CHIC1: variants seen among roughly 807,000 people sequenced by gnomAD.
CHIC1 encodes cysteine-rich hydrophobic domain-containing protein 1.
A neutral mutation model predicts 18.5 loss-of-function variants in CHIC1; 7 were observed. The ratio of observed to expected loss-of-function variants is 0.38; its 90% CI spans 0.22 to 0.71. CHIC1 has a LOEUF of 0.71. CHIC1 is among the 30% of genes least tolerant of loss of function. The probability of loss-of-function intolerance (pLI) is 0.49; values close to 1 mark genes in which losing one functional copy is unlikely to be tolerated. For synonymous variants in CHIC1, 77 were observed against 73.5 expected, an observed-to-expected ratio of 1.05 and a Z score of -0.25; for missense variants, 159 against 176.9, an observed-to-expected ratio of 0.90 and a Z score of 0.57.
intron 3 of CHIC1, among the ~76,000 whole-genome samples, chrX:73,629,043 T>C (rs1321776959): frequency 1.8e-5 from 2 of 111,534 alleles, no homozygotes; most frequent in Non-Finnish European, 3.8e-5. Context: ...TAATACATCA[T>C]TGTGGTGTTG....
In CHIC1 at chrX:73,653,172, A is replaced by G. The variant is rs1001710979; in HGVS notation, c.508-26154A>G. ...CTCACTCATAAGTGGGAGTTGAACA[A>G]TAAGAACACATGGACACAGGGAGGG... is the stretch of plus-strand genomic sequence containing the variant. On this transcript the variant is annotated intron_variant, in intron 3 of 5. Transcript: ENST00000373502. Among the ~76,000 whole-genome samples, 3 of 110,318 alleles carry G rather than the reference A, an allele frequency of 2.7e-5. No homozygotes were observed. In the Admixed American group the frequency reaches 2.9e-4, roughly 11 times the overall value.
chrX:73,569,890 T>A (rs2070392075), intron 1 of CHIC1, among the ~76,000 whole-genome samples: 1 of 111,433 alleles, frequency 9.0e-6, no homozygotes, highest in South Asian at 3.7e-4. Flanking sequence ...ATTTAGGTCA[T>A]AAGGGAGTAT....
intron 1 of CHIC1, among the ~76,000 whole-genome samples, chrX:73,564,803 T>TTG (rs1302201059): frequency 1.3e-4 from 12 of 92,920 alleles, no homozygotes; most frequent in Non-Finnish European, 2.3e-4. Flanking sequence ...TTTTTTTTTT[T>TTG]TTTTTTTTTT....
At chrX:73,606,496 ACTT>A (rs1467454729) in intron 3 of CHIC1, among the ~76,000 whole-genome samples, 1 of 106,433 alleles carries the variant, frequency 9.4e-6, no homozygotes, top group African/African-American at 3.7e-5. Context: ...ACTTCGCCAA[ACTT>A]CTTCTCCGTC....
chrX:73,657,696 A>G (rs2057957432), intron 3 of CHIC1, among the ~76,000 whole-genome samples: 1 of 111,545 alleles, frequency 9.0e-6, no homozygotes, highest in Non-Finnish European at 1.9e-5. Context: ...TGTTTTCCCA[A>G]TTTTCAAGGA....
intron 3 of CHIC1, among the ~76,000 whole-genome samples, chrX:73,602,973 T>C (rs1242149401): frequency 9.2e-6 from 1 of 108,909 alleles, no homozygotes; most frequent in Non-Finnish European, 1.9e-5. Context: ...TTGTTTTTGC[T>C]TAGGATTGTC....
At chrX:73,599,791 G>C in intron 3 of CHIC1, among the ~76,000 whole-genome samples, 1 of 107,629 alleles carries the variant, frequency 9.3e-6, no homozygotes, top group Non-Finnish European at 1.9e-5. Context: ...TGTTCTTTTG[G>C]CTTAGGAGTG....
chrX:73,670,595 T>C (rs939764267), intron 3 of CHIC1, among the ~76,000 whole-genome samples: 1 of 101,845 alleles, frequency 9.8e-6, no homozygotes, highest in African/African-American at 4.5e-5. Flanking sequence ...CTTTCTTCTA[T>C]TCTTATATTT....
Position 73,684,538 on chromosome X carries a change from T to A in CHIC1, c.*3533T>A, listed in dbSNP as rs2058113198. 1 of 111,507 alleles carries A rather than the reference T, an allele frequency of 9.0e-6. No individual in the cohort carries two copies. The highest frequency in any genetic ancestry group is 1.9e-5 in the Non-Finnish European group (1 of 52,856). The allele number at this position is 111,507 out of a possible 1,213,427, so 9.2% of individuals were successfully genotyped here. A position where few individuals can be genotyped will look rare whatever the true frequency, so the allele number is the denominator to read the frequency against. On this transcript the variant is annotated 3_prime_UTR_variant, in exon 6 of 6. Transcript: ENST00000373502. ...ATAAAGCTCCCAAACAATATTGTATTAAAATGTACTATATTGACCTAGGAG... is the reference window on the plus strand; with the variant it reads ...ATAAAGCTCCCAAACAATATTGTATAAAAATGTACTATATTGACCTAGGAG...
chrX:73,682,988 TAAGTGTTGATCCTTAGAAATCTTA>T lies in CHIC1; in HGVS notation c.*1984_*2007del, dbSNP rs1236679004. The T allele has an allele frequency of 9.0e-6, 1 of 111,555 alleles. No homozygotes were observed. The highest frequency in any genetic ancestry group is 1.9e-5 in the Non-Finnish European group (1 of 52,829). The allele number at this position is 111,555 out of a possible 1,213,427, so 9.2% of individuals were successfully genotyped here. A position where few individuals can be genotyped will look rare whatever the true frequency, so the allele number is the denominator to read the frequency against. ...ATTTTCACTGATAGAAAATTGCTTT[TAAGTGTTGATCCTTAGAAATCTTA>T]TTTTTTTCTATAACCTTAGAATTTG... On this transcript the variant is annotated 3_prime_UTR_variant, in exon 6 of 6. Coordinates refer to ENST00000373502, the MANE Select transcript of CHIC1 (RefSeq NM_001039840.4).
chrX:73,673,981 G>A (rs1273314728), intron 3 of CHIC1, among the ~76,000 whole-genome samples: 1 of 111,706 alleles, frequency 9.0e-6, no homozygotes, highest in Non-Finnish European at 1.9e-5. Context: ...TTTGTCAAAG[G>A]CCTTTTCTGC....
rs991854860 is a variant in CHIC1, at chrX:73,684,051, A to T, written c.*3046A>T. On this transcript the variant is annotated 3_prime_UTR_variant, in exon 6 of 6. Coordinates refer to ENST00000373502, the MANE Select transcript of CHIC1 (RefSeq NM_001039840.4). ...AATAAATGAATTGGTAGATGATTAGATTAGAAATCATCCTTTTCAACTAGG... is the reference window on the plus strand; with the variant it reads ...AATAAATGAATTGGTAGATGATTAGTTTAGAAATCATCCTTTTCAACTAGG... 8.9e-6 allele frequency: 1 copy of T among 111,943 alleles called. No homozygotes were observed. The highest frequency in any genetic ancestry group is 1.9e-5 in the Non-Finnish European group (1 of 52,830). The allele number at this position is 111,943 out of a possible 1,213,427, so 9.2% of individuals were successfully genotyped here.
At chrX:73,575,600 A>C (rs2057493512) in intron 1 of CHIC1, among the ~76,000 whole-genome samples, 2 of 110,112 alleles carry the variant, frequency 1.8e-5, no homozygotes, top group South Asian at 7.5e-4. Context: ...AACATAGAAA[A>C]AGTACAGAGA....
chrX:73,661,466 T>A (rs1387516547), intron 3 of CHIC1, among the ~76,000 whole-genome samples: 1 of 111,790 alleles, frequency 8.9e-6, no homozygotes, highest in Non-Finnish European at 1.9e-5. Flanking sequence ...TTGTTAAGTT[T>A]CTCCAATTTT....
At chrX:73,651,923 A>G (rs2057918878) in intron 3 of CHIC1, among the ~76,000 whole-genome samples, 1 of 112,262 alleles carries the variant, frequency 8.9e-6, no homozygotes, top group East Asian at 2.8e-4. Context: ...AAGAGTGCAT[A>G]TAGCCAAGAC....
intron 2 of CHIC1, among the ~76,000 whole-genome samples, chrX:73,580,438 CA>C (rs1345192084): frequency 2.7e-5 from 3 of 110,660 alleles, no homozygotes; most frequent in African/African-American, 9.8e-5. Context: ...TTTTTCTTAG[CA>C]TGTGTTTGGT....
At chrX:73,655,497 T>TATATATACAC (rs2057941513) in intron 3 of CHIC1, among the ~76,000 whole-genome samples, 2 of 60,032 alleles carry the variant, frequency 3.3e-5, no homozygotes, top group Non-Finnish European at 6.1e-5. Flanking sequence ...ATATTGTGTA[T>TATATATACAC]ATATATATAC....
chrX:73,656,463 G>C (rs1482143490), intron 3 of CHIC1, among the ~76,000 whole-genome samples: 6 of 111,892 alleles, frequency 5.4e-5, no homozygotes, highest in Non-Finnish European at 1.1e-4. Flanking sequence ...CATCAGTCTT[G>C]AGTTGATTTT....
At position 73,586,324 on chromosome X, in the gene CHIC1, C is replaced by T. The variant is rs141759100; in HGVS notation, c.507+1752C>T. Among the ~76,000 whole-genome samples, 924 of 111,015 alleles carry T rather than the reference C, an allele frequency of 8.3e-3. 10 individuals carry two copies. Among genetic ancestry groups the T allele is most frequent in the African/African-American group, 0.029 (882 of 30,625 alleles). On this transcript the variant is annotated intron_variant, in intron 3 of 5. Coordinates refer to ENST00000373502, the MANE Select transcript of CHIC1 (RefSeq NM_001039840.4). ...TCTGATTTTGTATGTGCCATGTTGT[C>T]AACACTATACTAGACAGCAAAACAT...
Sources: allele counts gnomAD v4.1 joint callset (sites outside exome capture counted in the v4.1 genomes callset), GRCh38; gene constraint gnomAD v4.1.1; transcripts MANE v1.5; gene names NCBI Gene and HGNC (gene_info 2026-07-23, HGNC 2026-07-21).